OCM: variants seen among roughly 807,000 people sequenced by gnomAD.
The protein encoded by OCM is oncomodulin-1.
OCM carries 18 observed loss-of-function variants against 14.1 expected under a neutral mutation model. The ratio of observed to expected loss-of-function variants is 1.28; its 90% CI spans 0.88 to 1.89. OCM has a LOEUF of 1.89. OCM is among the 40% of genes most tolerant of loss of function. The pLI is 0.00. For missense variants in OCM, 140 were observed against 137.6 expected (o/e 1.02, Z -0.09); for synonymous variants, 48 against 51.0 (o/e 0.94, Z 0.25).
At chr7:5,865,173 CG>C in the OCM span, among the ~76,000 whole-genome samples, 2,930 of 151,926 alleles carry the variant, frequency 0.019, 100 homozygotes, top group African/African-American at 0.066. Flanking sequence ...TGGCCAGCGT[CG>C]GGGCCGACGA....
At chr7:5,864,489 C>T in the OCM span, among the ~76,000 whole-genome samples, 4 of 152,004 alleles carry the variant, frequency 2.6e-5, no homozygotes, top group Non-Finnish European at 5.9e-5. Context: ...TGCCTCTTAG[C>T]GTCACCATCT....
upstream of OCM, among the ~76,000 whole-genome samples, chr7:5,875,021 T>G (rs2128605529): frequency 6.6e-6 from 1 of 151,486 alleles, no homozygotes; most frequent in African/African-American, 2.4e-5. Flanking sequence ...AATATCTCTG[T>G]GTGAATCTAT....
the OCM span, among the ~76,000 whole-genome samples, chr7:5,860,788 A>G: frequency 3.2e-5 from 3 of 94,866 alleles, no homozygotes; most frequent in African/African-American, 1.5e-4. Flanking sequence ...ACGTGTATAT[A>G]TACATATATA....
At chr7:5,875,299 T>G (rs1456695273), upstream of OCM, among the ~76,000 whole-genome samples, 1 of 151,956 alleles carries the variant, frequency 6.6e-6, no homozygotes, top group East Asian at 1.9e-4. Flanking sequence ...TCAGGTGATC[T>G]GCCCACCTCA....
chr7:5,874,636 C>T, the OCM span, among the ~76,000 whole-genome samples: 7 of 152,082 alleles, frequency 4.6e-5, no homozygotes, highest in South Asian at 1.2e-3. Flanking sequence ...TCCCGAGTAG[C>T]TGGGACCATA....
chr7:5,885,234 A>G (rs1424093549), intron 3 of OCM, among the ~76,000 whole-genome samples: 1 of 152,144 alleles, frequency 6.6e-6, no homozygotes, highest in African/African-American at 2.4e-5. Context: ...ATACCTTGTT[A>G]TTATTACTAT....
the OCM span, among the ~76,000 whole-genome samples, chr7:5,870,045 GTTA>G: frequency 0.051 from 7,708 of 152,114 alleles, 210 homozygotes; most frequent in African/African-American, 0.066. Flanking sequence ...TGTTTTCTTC[GTTA>G]TTATATATTT....
At chr7:5,863,586 G>C in the OCM span, among the ~76,000 whole-genome samples, 2 of 149,668 alleles carry the variant, frequency 1.3e-5, no homozygotes, top group Non-Finnish European at 3.0e-5. Flanking sequence ...AGGCTGGAGT[G>C]CAATGACATG....
At chr7:5,875,007 A>G (rs531605488), upstream of OCM, among the ~76,000 whole-genome samples, 1 of 151,618 alleles carries the variant, frequency 6.6e-6, no homozygotes, top group South Asian at 2.1e-4. Context: ...TACTGGAATT[A>G]TACAATATCT....
upstream of OCM, among the ~76,000 whole-genome samples, chr7:5,877,093 A>G (rs1046892593): frequency 1.3e-5 from 2 of 152,058 alleles, no homozygotes; most frequent in African/African-American, 4.8e-5. Flanking sequence ...GGCGTGAGCC[A>G]CCACACCCGG....
chr7:5,863,770 G>A, the OCM span, among the ~76,000 whole-genome samples: 1 of 152,094 alleles, frequency 6.6e-6, no homozygotes, highest in African/African-American at 2.4e-5. Context: ...CTGACCTCAT[G>A]ATCTGCCTGA....
chr7:5,877,819 CAAAAAAA>C (rs535302724), upstream of OCM, among the ~76,000 whole-genome samples: 19 of 55,298 alleles, frequency 3.4e-4, no homozygotes, highest in South Asian at 2.0e-3. Context: ...GACTCCATCT[CAAAAAAA>C]AAAAAAAAAA....
intron 2 of OCM, among the ~76,000 whole-genome samples, chr7:5,883,157 T>C (rs1350628029): frequency 6.6e-6 from 1 of 152,092 alleles, no homozygotes; most frequent in Non-Finnish European, 1.5e-5. Flanking sequence ...GATTCTTTCA[T>C]GTAAGGGATT....
At chr7:5,868,794 G>A in the OCM span, among the ~76,000 whole-genome samples, 33 of 152,268 alleles carry the variant, frequency 2.2e-4, no homozygotes, top group Non-Finnish European at 1.0e-4. Flanking sequence ...CGAGCACGGT[G>A]GCTGATGCCT....
chr7:5,860,747 CAT>C, the OCM span, among the ~76,000 whole-genome samples: 44 of 139,862 alleles, frequency 3.1e-4, 4 homozygotes, highest in Non-Finnish European at 5.4e-4. Flanking sequence ...TATATATACA[CAT>C]ATATACGTAT....
the OCM span, among the ~76,000 whole-genome samples, chr7:5,874,004 T>G: frequency 1.4e-3 from 210 of 150,100 alleles, 1 homozygote; most frequent in African/African-American, 4.8e-3. Context: ...CTACTTGAGG[T>G]CAGGAGTTGG....
At chr7:5,871,032 G>T in the OCM span, among the ~76,000 whole-genome samples, 1 of 152,088 alleles carries the variant, frequency 6.6e-6, no homozygotes, top group South Asian at 2.1e-4. Flanking sequence ...TGGGATAACA[G>T]TCATGGTGAT....
Position 5,886,252 on chromosome 7 carries a change from C to A in OCM, c.*163C>A. 1 of 1,006,190 alleles carries A rather than the reference C, an allele frequency of 9.9e-7. No homozygotes were observed. Among genetic ancestry groups the A allele is most frequent in the Non-Finnish European group, 1.5e-6 (1 of 676,226 alleles). 62.3% of individuals were successfully genotyped at this position (1,006,190 alleles called of 1,614,324 possible). ...TGTTTTAGTGAGGTCACGAGGGAGTCACTCCTGACTTTCTTGGTGGTGGGT... is the reference window on the plus strand; with the variant it reads ...TGTTTTAGTGAGGTCACGAGGGAGTAACTCCTGACTTTCTTGGTGGTGGGT... On this transcript the variant is annotated 3_prime_UTR_variant, in exon 4 of 4. Coordinates refer to ENST00000242104, the MANE Select transcript of OCM (RefSeq NM_001097622.2).
chr7:5,875,880 G>A (rs1286140776), upstream of OCM, among the ~76,000 whole-genome samples: 1 of 151,094 alleles, frequency 6.6e-6, no homozygotes, highest in Non-Finnish European at 1.5e-5. Flanking sequence ...GTGTCGCCCA[G>A]GCTGGAGTGC....
Sources: allele counts gnomAD v4.1 joint callset (sites outside exome capture counted in the v4.1 genomes callset), GRCh38; gene constraint gnomAD v4.1.1; transcripts MANE v1.5; gene names NCBI Gene and HGNC (gene_info 2026-07-23, HGNC 2026-07-21).